Variants in LAMA3 observed in about 807,000 individuals in gnomAD.
LAMA3 encodes laminin subunit alpha 3, also known as laminin subunit alpha-3.
Under a neutral mutation model 402.0 loss-of-function variants are expected in LAMA3, and 281 were observed. That is an observed-to-expected ratio of 0.70 (90% CI 0.63 to 0.77). LAMA3 has a LOEUF of 0.77. Ranked by LOEUF, LAMA3 falls within the 30% of genes least tolerant of loss-of-function variation. The probability of loss-of-function intolerance (pLI) is 0.00; values close to 1 mark genes in which losing one functional copy is unlikely to be tolerated. For missense variants in LAMA3, 3,840 were observed against 4,215.5 expected (o/e 0.91, Z 2.47); for synonymous variants, 1,431 against 1,558.4 (o/e 0.92, Z 1.93).
At chr18:23,720,489 G>C (rs888509237) in intron 2 of LAMA3, among the ~76,000 whole-genome samples, 1 of 151,970 alleles carries the variant, frequency 6.6e-6, no homozygotes, top group Non-Finnish European at 1.5e-5. Context: ...CGAGTAGCTG[G>C]GACTACAGGC....
intron 59 of LAMA3, among the ~76,000 whole-genome samples, chr18:23,916,304 C>T (rs976223174): frequency 1.3e-5 from 2 of 152,060 alleles, no homozygotes; most frequent in African/African-American, 2.4e-5. Flanking sequence ...CAGACATTTC[C>T]AAAAGGGTAT....
intron 2 of LAMA3, among the ~76,000 whole-genome samples, chr18:23,720,024 T>C (rs1225146103): frequency 6.6e-6 from 1 of 152,244 alleles, no homozygotes; most frequent in Non-Finnish European, 1.5e-5. Flanking sequence ...CACTACATGA[T>C]GTTTTGCTTC....
chr18:23,811,895 A>G (rs2063076379), intron 13 of LAMA3, among the ~76,000 whole-genome samples: 1 of 151,470 alleles, frequency 6.6e-6, no homozygotes. Context: ...TTTTTTTGAG[A>G]CAGAGTCTCG....
chr18:23,899,468 C>T lies in LAMA3; in HGVS notation c.6004+13C>T. ...GAGTCGCAGCTCTGTAAGAATGCTC[C>T]CAAATTCTTGCATCCAGTCCATTCT... On this transcript the variant is annotated intron_variant, in intron 47 of 74. Coordinates refer to ENST00000313654, the MANE Select transcript of LAMA3 (RefSeq NM_198129.4). 6.2e-7 allele frequency: 1 copy of T among 1,612,742 alleles called. No homozygotes were observed. Among genetic ancestry groups the T allele is most frequent in the Non-Finnish European group, 8.5e-7 (1 of 1,178,964 alleles).
At chr18:23,772,706 C>T (rs371630961) in intron 8 of LAMA3, among the ~76,000 whole-genome samples, 13 of 152,344 alleles carry the variant, frequency 8.5e-5, no homozygotes, top group African/African-American at 3.1e-4. Flanking sequence ...TGTTTCTGTG[C>T]AGACTTTTGT....
At chr18:23,905,319 G>A (rs940902073) in intron 51 of LAMA3, among the ~76,000 whole-genome samples, 1 of 151,968 alleles carries the variant, frequency 6.6e-6, no homozygotes, top group African/African-American at 2.4e-5. Flanking sequence ...CCAGAGATAG[G>A]CCCACCTCCC....
intron 2 of LAMA3, among the ~76,000 whole-genome samples, chr18:23,721,978 A>G (rs997862596): frequency 3.3e-5 from 5 of 152,242 alleles, no homozygotes; most frequent in Admixed American, 3.3e-4. Context: ...CTCCCTGATT[A>G]GTATCCTTTA....
chr18:23,801,059 G>C (rs1222079527), intron 12 of LAMA3, among the ~76,000 whole-genome samples: 5 of 152,014 alleles, frequency 3.3e-5, no homozygotes, highest in Non-Finnish European at 7.4e-5. Flanking sequence ...CAGTGAACTG[G>C]ATAAAGGAAA....
At chr18:23,791,008 C>T (rs1189125225) in intron 12 of LAMA3, among the ~76,000 whole-genome samples, 2 of 152,114 alleles carry the variant, frequency 1.3e-5, no homozygotes, top group East Asian at 3.9e-4. Flanking sequence ...CCTGTCTCAG[C>T]CTCTCCAGTA....
chr18:23,759,187 A>C (rs2061917538), intron 7 of LAMA3, among the ~76,000 whole-genome samples: 1 of 151,984 alleles, frequency 6.6e-6, no homozygotes, highest in Admixed American at 6.6e-5. Context: ...AAATTGAAAA[A>C]TTAGCCAGAG....
rs540529053 is a variant in LAMA3 at position 23,780,135 on chromosome 18, G to A, written c.1468+2516G>A. 2.0e-5 allele frequency among the ~76,000 whole-genome samples: 3 copies of A among 152,280 alleles called. No individual in the cohort carries two copies. In the South Asian group the frequency reaches 6.2e-4, roughly 32 times the overall value. ...GGAGAATTGCAGTCTTGAATACTTA[G>A]CATATTCTTCATTCATTAAACTTTT... On this transcript the variant is annotated intron_variant, in intron 11 of 74. Transcript: ENST00000313654.
In LAMA3 at chr18:23,903,657, C is replaced by T. The variant is rs138464137; in HGVS notation, c.6319-276C>T. Among the ~76,000 whole-genome samples the T allele has an allele frequency of 7.9e-5, 12 of 152,320 alleles. No individual in the cohort carries two copies. In the East Asian group the frequency reaches 2.3e-3, roughly 29 times the overall value. Reference sequence around the variant, plus strand: ...CATAAAAAAGTTCTTTGGTTTACTACAACTTTATATTGATGATAACATTGT... The same window carrying T: ...CATAAAAAAGTTCTTTGGTTTACTATAACTTTATATTGATGATAACATTGT... On this transcript the variant is annotated intron_variant, in intron 49 of 74. Coordinates refer to ENST00000313654, the MANE Select transcript of LAMA3 (RefSeq NM_198129.4).
Position 23,907,570 on chromosome 18 carries a change from A to G in LAMA3, c.6739A>G (p.Asn2247Asp), listed in dbSNP as rs2081289617. Residue 2247 changes from asparagine to aspartate, a missense_variant, in exon 53 of 75, where the codon AAC (asparagine) becomes GAC (aspartate). Physicochemically the swap from Asn to Asp is conservative, Grantham distance 23. Around this residue, in one of 3 missense-constraint regions of LAMA3, gnomAD observed 891 missense variants for 857.5 expected, o/e 1.04. Transcript: ENST00000313654. ...LKQEVSPALNNLQQTLNIVTV... is the reference protein window; with the variant it reads ...LKQEVSPALNDLQQTLNIVTV... ...TTTAGAAGTCAGTCCAGCTCTCAACAACCTACAGCAAACCCTGAATATTGT... is the reference window on the plus strand; with the variant it reads ...TTTAGAAGTCAGTCCAGCTCTCAACGACCTACAGCAAACCCTGAATATTGT... The G allele has an allele frequency of 6.2e-7, 1 of 1,613,550 alleles. No homozygotes were observed. Among genetic ancestry groups the G allele is most frequent in the South Asian group, 1.1e-5 (1 of 91,080 alleles).
intron 2 of LAMA3, among the ~76,000 whole-genome samples, chr18:23,733,231 C>T (rs1314548999): frequency 6.6e-6 from 1 of 152,064 alleles, no homozygotes. Flanking sequence ...TGGAGGGAGG[C>T]ATTATCTTTG....
Position 23,876,239 on chromosome 18 carries a change from G to A in LAMA3, c.4999-55G>A. 4 of 1,160,064 alleles carry A rather than the reference G, an allele frequency of 3.4e-6. No homozygotes were observed. In the South Asian group the frequency reaches 5.0e-5, roughly 14 times the overall value. The allele number at this position is 1,160,064 out of a possible 1,614,324, so 71.9% of individuals were successfully genotyped here. Reference sequence around the variant, plus strand: ...CACAGTGAGAGGTGTCACATGCTTTGGATAGTAATTGTTTTCTTTCTTTGT... The same window carrying A: ...CACAGTGAGAGGTGTCACATGCTTTAGATAGTAATTGTTTTCTTTCTTTGT... On this transcript the variant is annotated intron_variant, in intron 38 of 74. Transcript: ENST00000313654.
chr18:23,775,663 C>T (rs1598767133), intron 9 of LAMA3, 129 bp from the exon 10 acceptor site: 1 of 1,022,052 alleles, frequency 9.8e-7, no homozygotes, highest in East Asian at 2.5e-5. Context: ...GGGAAATAGG[C>T]TGTGCCCTTT....
At chr18:23,759,919 G>A (rs954281930) in intron 7 of LAMA3, among the ~76,000 whole-genome samples, 5 of 152,132 alleles carry the variant, frequency 3.3e-5, no homozygotes, top group African/African-American at 9.7e-5. Context: ...CAGCTAATCG[G>A]TTCCTTCTCA....
intron 24 of LAMA3, chr18:23,834,388 C>G (rs1320063312): frequency 4.7e-6 from 1 of 214,074 alleles, no homozygotes; most frequent in East Asian, 1.2e-4. Context: ...AGGGGGTGCA[C>G]ACCTACCTTT....
intron 32 of LAMA3, among the ~76,000 whole-genome samples, chr18:23,856,558 G>A (rs1422130855): frequency 6.6e-6 from 1 of 152,112 alleles, no homozygotes; most frequent in Non-Finnish European, 1.5e-5. Context: ...TCCAGGCACA[G>A]CCATAGCCCA....
Sources: allele counts gnomAD v4.1 joint callset (sites outside exome capture counted in the v4.1 genomes callset), GRCh38; gene constraint gnomAD v4.1.1; regional missense constraint gnomAD v4.1.1; transcripts MANE v1.5; gene names NCBI Gene and HGNC (gene_info 2026-07-23, HGNC 2026-07-21).